DLGAP1: variants seen among roughly 807,000 people sequenced by gnomAD.
DLGAP1 encodes disks large-associated protein 1.
DLGAP1 carries 11 observed loss-of-function variants against 90.8 expected under a neutral mutation model. The ratio of observed to expected loss-of-function variants is 0.12; its 90% CI spans 0.08 to 0.20. DLGAP1 has a LOEUF of 0.20. Among genes scored for constraint, DLGAP1 ranks in the 10% least tolerant of loss-of-function variants. The probability of loss-of-function intolerance (pLI) is 1.00; values close to 1 mark genes in which losing one functional copy is unlikely to be tolerated. For synonymous variants in DLGAP1, 558 were observed against 540.7 expected (o/e 1.03, Z -0.44); for missense variants, 1,050 against 1,333.8 (o/e 0.79, Z 3.31).
At chr18:3,580,180 T>C (rs1183521869) in intron 8 of DLGAP1, 5 of 1,433,332 alleles carry the variant, frequency 3.5e-6, no homozygotes, top group African/African-American at 1.4e-5. Context: ...GAAACCCTGA[T>C]TTGAGCCAGA....
In DLGAP1 at chr18:3,568,146, G is replaced by T. The variant is rs566648538; in HGVS notation, c.1966-565C>A. Among the ~76,000 whole-genome samples the T allele has an allele frequency of 3.9e-5, 6 of 152,162 alleles. No individual in the cohort carries two copies. The East Asian group carries it at 9.7e-4, about 24-fold the overall frequency. Reference sequence around the variant, plus strand: ...ACTCCTGATCTCAAGTGTTCTGCCCGCCTGGGCCTCCCAAAGTGTTGAGAT... The same window carrying T: ...ACTCCTGATCTCAAGTGTTCTGCCCTCCTGGGCCTCCCAAAGTGTTGAGAT... On this transcript the variant is annotated intron_variant, in intron 8 of 12. Transcript: ENST00000315677.
At chr18:3,966,183 G>C (rs2148994924) in intron 3 of DLGAP1, among the ~76,000 whole-genome samples, 2 of 152,180 alleles carry the variant, frequency 1.3e-5, no homozygotes, top group Middle Eastern at 6.8e-3. Flanking sequence ...GCTAGAAAGG[G>C]TGAAAGCTCA....
At chr18:3,544,660 A>G (rs914474496) in intron 9 of DLGAP1, among the ~76,000 whole-genome samples, 4 of 151,832 alleles carry the variant, frequency 2.6e-5, no homozygotes, top group African/African-American at 9.7e-5. Flanking sequence ...TTGGGCCAAA[A>G]TATTGTCTAT....
intron 3 of DLGAP1, among the ~76,000 whole-genome samples, chr18:3,960,117 C>G (rs2073168205): frequency 6.6e-6 from 1 of 152,228 alleles, no homozygotes; most frequent in Non-Finnish European, 1.5e-5. Flanking sequence ...ATGCACAGCA[C>G]TCCCTTGAAA....
At chr18:4,052,605 C>G (rs1026559289) in intron 2 of DLGAP1, among the ~76,000 whole-genome samples, 2 of 152,182 alleles carry the variant, frequency 1.3e-5, no homozygotes, top group Non-Finnish European at 2.9e-5. Flanking sequence ...CTGACATGCC[C>G]TGGAGACATT....
chr18:3,600,767 T>TATAGATATATATAG (rs2056885724), intron 7 of DLGAP1, among the ~76,000 whole-genome samples: 4 of 35,284 alleles, frequency 1.1e-4, no homozygotes, highest in African/African-American at 5.2e-4. Context: ...GATATATAGA[T>TATAGATATATATAG]ATATATAGAT....
intron 7 of DLGAP1, among the ~76,000 whole-genome samples, chr18:3,702,345 TAGC>T (rs2061309773): frequency 6.6e-6 from 1 of 152,238 alleles, no homozygotes; most frequent in African/African-American, 2.4e-5. Flanking sequence ...AATTTTAAAA[TAGC>T]AGGTGTGCTT....
At position 3,596,141 on chromosome 18, in the gene DLGAP1, G is replaced by C. The variant is rs1422713026; in HGVS notation, c.1592-13893C>G. 2.0e-5 allele frequency among the ~76,000 whole-genome samples: 3 copies of C among 151,980 alleles called. No homozygotes were observed. The East Asian group carries it at 5.8e-4, about 29-fold the overall frequency. ...GAGGCTAGGGCAGGGAGAGTGCCAG[G>C]AGCAGGAAAGAACATTTTTCTTTTC... On this transcript the variant is annotated intron_variant, in intron 7 of 12. Transcript: ENST00000315677.
intron 7 of DLGAP1, among the ~76,000 whole-genome samples, chr18:3,717,225 T>C (rs1479146952): frequency 3.9e-5 from 6 of 152,160 alleles, no homozygotes; most frequent in Admixed American, 3.9e-4. Context: ...TTATATTCAC[T>C]CTAGAAATGT....
intron 7 of DLGAP1, chr18:3,656,355 A>T: frequency 2.1e-6 from 1 of 473,264 alleles, no homozygotes; most frequent in South Asian, 3.1e-5. Flanking sequence ...AATGGGATCA[A>T]ACATGTTTTT....
chr18:4,134,300 CCTT>C (rs2076364990), intron 2 of DLGAP1, among the ~76,000 whole-genome samples: 1 of 152,052 alleles, frequency 6.6e-6, no homozygotes, highest in African/African-American at 2.4e-5. Flanking sequence ...AAGCCACAAT[CCTT>C]CTCTTTTTCT....
At chr18:3,875,837 G>A (rs2070986579) in intron 4 of DLGAP1, among the ~76,000 whole-genome samples, 2 of 152,058 alleles carry the variant, frequency 1.3e-5, no homozygotes, top group South Asian at 4.1e-4. Context: ...TCATTTTCTA[G>A]CAGAGGAAGG....
At chr18:4,337,193 C>CTTTT (rs201042095) in intron 1 of DLGAP1, among the ~76,000 whole-genome samples, 1 of 91,076 alleles carries the variant, frequency 1.1e-5, no homozygotes, top group Admixed American at 1.4e-4. Context: ...CAATAGTTGG[C>CTTTT]TTTTTTTTTT....
chr18:3,514,019 G>A (rs2050687481), intron 10 of DLGAP1, among the ~76,000 whole-genome samples: 1 of 152,104 alleles, frequency 6.6e-6, no homozygotes, highest in African/African-American at 2.4e-5. Context: ...AAATCCTTAA[G>A]CATAATTAGC....
intron 1 of DLGAP1, among the ~76,000 whole-genome samples, chr18:4,449,475 T>C (rs1436351036): frequency 3.9e-5 from 6 of 152,180 alleles, no homozygotes; most frequent in Admixed American, 1.3e-4. Flanking sequence ...AGAAGTGCCA[T>C]GCAAAAGCTG....
intron 5 of DLGAP1, among the ~76,000 whole-genome samples, chr18:3,779,392 C>T (rs1158291648): frequency 1.3e-5 from 2 of 152,084 alleles, no homozygotes; most frequent in Non-Finnish European, 2.9e-5. Context: ...TCAGTTTTTT[C>T]CCCAAAACTC....
chr18:3,740,998 C>CACA (rs2062899915), intron 6 of DLGAP1, among the ~76,000 whole-genome samples: 1 of 76,842 alleles, frequency 1.3e-5, no homozygotes, highest in Non-Finnish European at 2.6e-5. Flanking sequence ...CCACCATCAC[C>CACA]TCACCACCAC....
intron 10 of DLGAP1, among the ~76,000 whole-genome samples, chr18:3,525,910 C>T (rs1033177551): frequency 6.6e-6 from 1 of 152,158 alleles, no homozygotes; most frequent in Non-Finnish European, 1.5e-5. Flanking sequence ...TGGGAGACAC[C>T]ACCCTCAAGA....
intron 2 of DLGAP1, among the ~76,000 whole-genome samples, chr18:4,085,977 G>C (rs115521957): frequency 0.021 from 3,155 of 152,174 alleles, 106 homozygotes; most frequent in African/African-American, 0.071. Flanking sequence ...TAATAAATTG[G>C]TAACATAAAT....
Sources: allele counts gnomAD v4.1 joint callset (sites outside exome capture counted in the v4.1 genomes callset), GRCh38; gene constraint gnomAD v4.1.1; transcripts MANE v1.5; gene names NCBI Gene and HGNC (gene_info 2026-07-23, HGNC 2026-07-21).